ZNF385B: variants seen among roughly 807,000 people sequenced by gnomAD.
The protein encoded by ZNF385B is zinc finger protein 385B.
In ZNF385B, 23 loss-of-function variants were observed where a neutral mutation model predicts 39.2. That is an observed-to-expected ratio of 0.59 (90% CI 0.42 to 0.83). The LOEUF (loss-of-function observed/expected upper bound fraction) is 0.83. ZNF385B is among the 40% of genes least tolerant of loss of function. The pLI, the probability that ZNF385B is intolerant of heterozygous loss-of-function variation, is 0.00. For synonymous variants in ZNF385B, 205 were observed against 222.6 expected, an observed-to-expected ratio of 0.92 and a Z score of 0.70; for missense variants, 552 against 598.9, an observed-to-expected ratio of 0.92 and a Z score of 0.82.
intron 1 of ZNF385B, among the ~76,000 whole-genome samples, chr2:179,821,537 G>C (rs1410624826): frequency 6.6e-6 from 1 of 152,032 alleles, no homozygotes; most frequent in Non-Finnish European, 1.5e-5. Flanking sequence ...CTCGAGTAAT[G>C]ACTTTTACTT....
intron 3 of ZNF385B, among the ~76,000 whole-genome samples, chr2:179,618,661 T>C (rs1450103884): frequency 6.6e-6 from 1 of 152,186 alleles, no homozygotes; most frequent in Non-Finnish European, 1.5e-5. Flanking sequence ...CTCCTGTCAC[T>C]GCCTGAACTT....
intron 3 of ZNF385B, among the ~76,000 whole-genome samples, chr2:179,597,908 T>C (rs979631286): frequency 6.6e-6 from 1 of 152,136 alleles, no homozygotes; most frequent in Non-Finnish European, 1.5e-5. Flanking sequence ...ACTTTCACAA[T>C]GTGAAGAAGT....
At chr2:179,772,440 T>C (rs1382168467) in intron 1 of ZNF385B, among the ~76,000 whole-genome samples, 2 of 152,198 alleles carry the variant, frequency 1.3e-5, no homozygotes, top group East Asian at 1.9e-4. Context: ...TTATTAGTCC[T>C]AGTTCTGGCT....
chr2:179,642,766 T>A (rs998176678), intron 3 of ZNF385B, among the ~76,000 whole-genome samples: 2 of 152,222 alleles, frequency 1.3e-5, no homozygotes, highest in Non-Finnish European at 2.9e-5. Flanking sequence ...CATATACTTA[T>A]AATTTTAAAC....
At chr2:179,826,410 A>G (rs967508406) in intron 1 of ZNF385B, among the ~76,000 whole-genome samples, 6 of 152,288 alleles carry the variant, frequency 3.9e-5, no homozygotes, top group African/African-American at 1.4e-4. Flanking sequence ...CAATGAAAAG[A>G]CACCATTCTA....
intron 1 of ZNF385B, among the ~76,000 whole-genome samples, chr2:179,825,950 T>A (rs1466178011): frequency 1.3e-5 from 2 of 152,170 alleles, no homozygotes; most frequent in Non-Finnish European, 2.9e-5. Context: ...TTGTCAGTAT[T>A]CTGATGCCAT....
intron 3 of ZNF385B, among the ~76,000 whole-genome samples, chr2:179,625,753 T>C (rs910507250): frequency 6.6e-6 from 1 of 152,158 alleles, no homozygotes; most frequent in Non-Finnish European, 1.5e-5. Flanking sequence ...TACTAAATTA[T>C]GTATGTGTAT....
At chr2:179,509,766 C>T (rs1281456514) in intron 5 of ZNF385B, among the ~76,000 whole-genome samples, 2 of 152,094 alleles carry the variant, frequency 1.3e-5, no homozygotes, top group African/African-American at 2.4e-5. Context: ...TTCAAACTTA[C>T]AGTATTATTC....
At chr2:179,853,560 A>C (rs1017924350) in intron 1 of ZNF385B, among the ~76,000 whole-genome samples, 1 of 152,230 alleles carries the variant, frequency 6.6e-6, no homozygotes, top group Non-Finnish European at 1.5e-5. Flanking sequence ...AAAACAGAAA[A>C]TATATAATTG....
chr2:179,588,450 A>T (rs6707527), intron 3 of ZNF385B, among the ~76,000 whole-genome samples: 110,454 of 151,972 alleles, frequency 0.73, 41,510 homozygotes, highest in Middle Eastern at 0.83. Flanking sequence ...AGATTATTTT[A>T]CTCATCTTTT....
chr2:179,634,882 C>T (rs1458526587), intron 3 of ZNF385B, among the ~76,000 whole-genome samples: 1 of 151,364 alleles, frequency 6.6e-6, no homozygotes, highest in Non-Finnish European at 1.5e-5. Context: ...GTAATCTCAG[C>T]ACTTTGGGAG....
At chr2:179,690,908 C>A (rs1698305996) in intron 3 of ZNF385B, among the ~76,000 whole-genome samples, 2 of 152,150 alleles carry the variant, frequency 1.3e-5, no homozygotes, top group South Asian at 2.1e-4. Flanking sequence ...ATCAAAGGTG[C>A]TTGAATCTGG....
intron 1 of ZNF385B, among the ~76,000 whole-genome samples, chr2:179,815,218 A>C (rs1332597004): frequency 6.6e-6 from 1 of 152,220 alleles, no homozygotes; most frequent in Non-Finnish European, 1.5e-5. Flanking sequence ...GAAAAGAGAC[A>C]TCAAGAGAAT....
chr2:179,513,478 T>C (rs1361849744), intron 5 of ZNF385B, among the ~76,000 whole-genome samples: 3 of 152,234 alleles, frequency 2.0e-5, no homozygotes, highest in Non-Finnish European at 4.4e-5. Flanking sequence ...ACATCCCTAT[T>C]AGTAAGTACA....
intron 4 of ZNF385B, among the ~76,000 whole-genome samples, chr2:179,540,743 T>C (rs1467057393): frequency 6.6e-6 from 1 of 152,162 alleles, no homozygotes; most frequent in African/African-American, 2.4e-5. Flanking sequence ...GATGTTCTAG[T>C]GAAGAAGACA....
intron 1 of ZNF385B, among the ~76,000 whole-genome samples, chr2:179,808,179 CACG>C (rs1353661526): frequency 6.6e-6 from 1 of 151,688 alleles, no homozygotes; most frequent in Non-Finnish European, 1.5e-5. Context: ...ACTACAGGCG[CACG>C]CCGCCACGCC....
At chr2:179,782,256 C>G (rs1704711999) in intron 1 of ZNF385B, among the ~76,000 whole-genome samples, 1 of 152,144 alleles carries the variant, frequency 6.6e-6, no homozygotes, top group Admixed American at 6.5e-5. Flanking sequence ...TCAATAGACA[C>G]AGAAAAGGGT....
chr2:179,622,580 T>C (rs776857990), intron 3 of ZNF385B, among the ~76,000 whole-genome samples: 1 of 152,214 alleles, frequency 6.6e-6, no homozygotes, highest in East Asian at 1.9e-4. Context: ...AGGTTCCAGC[T>C]ATGTATTTTA....
At chr2:179,468,008 A>G (rs1316230618) in intron 6 of ZNF385B, among the ~76,000 whole-genome samples, 1 of 152,126 alleles carries the variant, frequency 6.6e-6, no homozygotes, top group East Asian at 1.9e-4. Flanking sequence ...GGTTCTGGCC[A>G]TTGGTTCATG....
Sources: gnomAD v4.1 joint callset for allele counts (sites outside exome capture counted in the v4.1 genomes callset) on GRCh38, gnomAD v4.1.1 for gene constraint, MANE v1.5 for transcripts, NCBI Gene and HGNC (gene_info 2026-07-23, HGNC 2026-07-21) for gene names.